The following PCDHA7 variants were observed in gnomAD, a reference collection of about 807,000 sequenced individuals.
PCDHA7 encodes protocadherin alpha-7.
In PCDHA7, 37 loss-of-function variants were observed where a neutral mutation model predicts 57.2. The observed-to-expected ratio is 0.65, with a 90% confidence interval of 0.50 to 0.85. The LOEUF is 0.85. Among genes scored for constraint, PCDHA7 ranks in the 40% least tolerant of loss-of-function variants. The probability of loss-of-function intolerance (pLI) is 0.00; values close to 1 mark genes in which losing one functional copy is unlikely to be tolerated. For missense variants in PCDHA7, 1,188 were observed against 1,241.8 expected, an observed-to-expected ratio of 0.96 and a Z score of 0.65; for synonymous variants, 553 against 558.8, an observed-to-expected ratio of 0.99 and a Z score of 0.15.
At chr5:140,882,991 AT>A (rs1554176407) in intron 1 of PCDHA7, 2 of 1,614,112 alleles carry the variant, frequency 1.2e-6, no homozygotes, top group Non-Finnish European at 1.7e-6. Flanking sequence ...ACGCCCCGGA[AT>A]TTTACCAATC....
At chr5:140,949,975 A>AT (rs2153688056) in intron 1 of PCDHA7, among the ~76,000 whole-genome samples, 1 of 152,044 alleles carries the variant, frequency 6.6e-6, no homozygotes, top group South Asian at 2.1e-4. Flanking sequence ...TACAGCATAC[A>AT]TACTTAACTT....
At chr5:140,888,286 C>A (rs1277980750) in intron 1 of PCDHA7, among the ~76,000 whole-genome samples, 7 of 152,080 alleles carry the variant, frequency 4.6e-5, no homozygotes, top group African/African-American at 1.7e-4. Context: ...TCCCCTCTAC[C>A]CCCTACCCAG....
intron 1 of PCDHA7, among the ~76,000 whole-genome samples, chr5:140,973,301 A>C (rs1469183006): frequency 1.3e-5 from 2 of 152,034 alleles, no homozygotes; most frequent in Admixed American, 6.6e-5. Context: ...CTATCTGATG[A>C]CTCTATCCTG....
In PCDHA7 at chr5:140,835,910, A is replaced by C. The variant is rs2150248144; in HGVS notation, c.1527A>C (p.Ser509=). 1.2e-6 allele frequency: 2 copies of C among 1,612,256 alleles called. No individual in the cohort carries two copies. Among genetic ancestry groups the C allele is most frequent in the Non-Finnish European group, 1.7e-6 (2 of 1,179,666 alleles). The change falls in exon 1 of 4, where the codon TCA becomes TCC. Residue 509 remains serine (S), a synonymous_variant. Transcript: ENST00000525929. ...AGCGCGCGCTGTCGAGCTACGTGTCAGTGCACGCGGAGAGCGGCAAGGTGT... is the reference window on the plus strand; with the variant it reads ...AGCGCGCGCTGTCGAGCTACGTGTCCGTGCACGCGGAGAGCGGCAAGGTGT... The part of the protein sequence containing the change: ...VGERALSSYV[S]VHAESGKVYA...
At chr5:140,843,340 C>T (rs1290060439) in intron 1 of PCDHA7, 3 of 1,595,900 alleles carry the variant, frequency 1.9e-6, no homozygotes, top group African/African-American at 2.7e-5. Context: ...TGGAGAGCGG[C>T]CAGGCTCCAA....
In PCDHA7 at chr5:140,855,898, G is replaced by C; in HGVS notation, c.2355+19160G>C. On this transcript the variant is annotated intron_variant, in intron 1 of 3. Transcript: ENST00000525929. ...ATAGCTTTTTAGAACAAAGGCATCA[G>C]CCAGTTTCTCAAGGACTAGGAAGTA... is the stretch of plus-strand genomic sequence containing the variant. 1.9e-6 allele frequency: 2 copies of C among 1,070,112 alleles called. 1 individual carries two copies. The highest frequency in any genetic ancestry group is 2.7e-6 in the Non-Finnish European group (2 of 750,306). The allele number at this position is 1,070,112 out of a possible 1,614,324, so 66.3% of individuals were successfully genotyped here.
intron 1 of PCDHA7, chr5:140,852,931 T>C: frequency 1.6e-6 from 1 of 623,668 alleles, no homozygotes; most frequent in Non-Finnish European, 2.1e-6. Context: ...CAGGCTGGAG[T>C]GCAGTGGTGC....
Position 140,841,407 on chromosome 5 carries a change from G to A in PCDHA7, c.2355+4669G>A, listed in dbSNP as rs2150314809. On this transcript the variant is annotated intron_variant, in intron 1 of 3. Transcript: ENST00000525929. ...CTCGCAGCCTGGAAGGTGGGGAGCG[G>A]CCAGCTCCACTACTCCGTCCCCGAG... 14 of 1,613,104 alleles carry A rather than the reference G, an allele frequency of 8.7e-6. No individual in the cohort carries two copies. In the South Asian group the frequency reaches 1.5e-4, roughly 18 times the overall value.
In PCDHA7 at chr5:140,849,922, C is replaced by T. The variant is rs140735832; in HGVS notation, c.2355+13184C>T. 4.3e-5 allele frequency: 69 copies of T among 1,598,214 alleles called. 4 individuals carry two copies. Among genetic ancestry groups the T allele is most frequent in the Middle Eastern group, 1.7e-4 (1 of 5,782 alleles). On this transcript the variant is annotated intron_variant, in intron 1 of 3. Transcript: ENST00000525929. The stretch of plus-strand genomic sequence containing the variant: ...AACCCGCCGGGCTGCCACATCTTCA[C>T]GGTGTCTGCGCGGGACGCTGACGCG...
At chr5:140,942,546 TA>T (rs1380022033) in intron 1 of PCDHA7, among the ~76,000 whole-genome samples, 4 of 150,044 alleles carry the variant, frequency 2.7e-5, no homozygotes, top group African/African-American at 9.8e-5. Flanking sequence ...TGGTGGGGGG[TA>T]GGGGGTTGAG....
intron 1 of PCDHA7, among the ~76,000 whole-genome samples, chr5:140,942,119 A>T (rs1180591078): frequency 6.6e-6 from 1 of 152,242 alleles, no homozygotes; most frequent in African/African-American, 2.4e-5. Context: ...AACTTTATTA[A>T]AGGTGATATT....
At chr5:140,900,049 A>T (rs2067710838) in intron 1 of PCDHA7, among the ~76,000 whole-genome samples, 1 of 152,044 alleles carries the variant, frequency 6.6e-6, no homozygotes, top group Non-Finnish European at 1.5e-5. Flanking sequence ...GGCTCAAGTG[A>T]TCCTTTAACC....
At chr5:140,975,779 A>G (rs1439511378) in intron 1 of PCDHA7, among the ~76,000 whole-genome samples, 1 of 152,118 alleles carries the variant, frequency 6.6e-6, no homozygotes, top group Non-Finnish European at 1.5e-5. Context: ...TAATACCATT[A>G]CAAGATAAAT....
At chr5:140,907,093 C>A (rs1303875069) in intron 1 of PCDHA7, among the ~76,000 whole-genome samples, 2 of 152,090 alleles carry the variant, frequency 1.3e-5, no homozygotes, top group Non-Finnish European at 2.9e-5. Flanking sequence ...GTAAGTGGTG[C>A]CACTTCCACT....
chr5:140,868,872 G>T, intron 1 of PCDHA7: 1 of 640,590 alleles, frequency 1.6e-6, no homozygotes. Context: ...GCAGTGCACA[G>T]TACTCACAGT....
intron 1 of PCDHA7, among the ~76,000 whole-genome samples, chr5:140,895,850 AC>A (rs2065202764): frequency 6.6e-6 from 1 of 152,110 alleles, no homozygotes; most frequent in Non-Finnish European, 1.5e-5. Context: ...TCACTCTTGT[AC>A]CCCAGGCTGG....
intron 1 of PCDHA7, among the ~76,000 whole-genome samples, chr5:140,930,655 C>T (rs1554207993): frequency 6.6e-6 from 1 of 152,110 alleles, no homozygotes; most frequent in Non-Finnish European, 1.5e-5. Context: ...TGAAGCATTC[C>T]TTGTTTTACT....
intron 1 of PCDHA7, among the ~76,000 whole-genome samples, chr5:140,938,922 T>G (rs2092267013): frequency 6.6e-6 from 1 of 151,926 alleles, no homozygotes; most frequent in Non-Finnish European, 1.5e-5. Flanking sequence ...CACAAGAAAT[T>G]GGCTTTTAAC....
At chr5:140,937,954 G>A (rs1209058625) in intron 1 of PCDHA7, among the ~76,000 whole-genome samples, 2 of 151,226 alleles carry the variant, frequency 1.3e-5, no homozygotes, top group Non-Finnish European at 2.9e-5. Context: ...GGCTTTTGTT[G>A]AAAGTATATA....
Sources: allele counts gnomAD v4.1 joint callset (sites outside exome capture counted in the v4.1 genomes callset), GRCh38; gene constraint gnomAD v4.1.1; transcripts MANE v1.5; gene names NCBI Gene and HGNC (gene_info 2026-07-23, HGNC 2026-07-21).